TRPC4: variants seen among roughly 807,000 people sequenced by gnomAD.
The protein encoded by TRPC4 is short transient receptor potential channel 4.
A neutral mutation model predicts 99.4 loss-of-function variants in TRPC4; 49 were observed. The observed-to-expected ratio is 0.49, with a 90% CI of 0.39 to 0.63. The LOEUF (loss-of-function observed/expected upper bound fraction) is 0.63, where lower values mean the gene tolerates loss of function less well. TRPC4 is among the 20% of genes least tolerant of loss of function. The probability of loss-of-function intolerance (pLI) is 0.00; values close to 1 mark genes in which losing one functional copy is unlikely to be tolerated. For synonymous variants in TRPC4, 454 were observed against 425.9 expected (o/e 1.07, Z -0.81); for missense variants, 898 against 1,152.9 (o/e 0.78, Z 3.20).
chr13:37,802,527 G>C (rs75025293), intron 1 of TRPC4, among the ~76,000 whole-genome samples: 4,912 of 152,156 alleles, frequency 0.032, 271 homozygotes, highest in African/African-American at 0.11. Context: ...TGGATTTGGA[G>C]ACAGTCCCAC....
At chr13:37,717,296 A>G (rs1159925413) in intron 3 of TRPC4, among the ~76,000 whole-genome samples, 1 of 152,172 alleles carries the variant, frequency 6.6e-6, no homozygotes, top group Non-Finnish European at 1.5e-5. Flanking sequence ...CTATTTCTAC[A>G]TTAGAAACAT....
At chr13:37,645,449 T>C (rs867876373) in intron 8 of TRPC4, among the ~76,000 whole-genome samples, 5 of 152,202 alleles carry the variant, frequency 3.3e-5, no homozygotes, top group Admixed American at 6.5e-5. Flanking sequence ...TCATTTCATG[T>C]AGCTAGTCCC....
intron 2 of TRPC4, among the ~76,000 whole-genome samples, chr13:37,769,138 A>T (rs930117228): frequency 2.6e-5 from 4 of 151,428 alleles, no homozygotes; most frequent in Non-Finnish European, 5.9e-5. Flanking sequence ...ATAGTGAAAA[A>T]ACTATAATCC....
intron 7 of TRPC4, 53 bp from the exon 8 acceptor site, chr13:37,651,512 C>G: frequency 6.6e-7 from 1 of 1,525,332 alleles, no homozygotes; most frequent in South Asian, 1.1e-5. Flanking sequence ...AACAAGGTAC[C>G]ATAAATCTCA....
chr13:37,695,816 A>C (rs372845615), intron 3 of TRPC4, among the ~76,000 whole-genome samples: 4 of 152,166 alleles, frequency 2.6e-5, no homozygotes, highest in East Asian at 3.9e-4. Context: ...CATTTTTACA[A>C]ATAGAATAAG....
intron 1 of TRPC4, among the ~76,000 whole-genome samples, chr13:37,845,687 C>G (rs1958873725): frequency 6.6e-6 from 1 of 151,636 alleles, no homozygotes; most frequent in South Asian, 2.1e-4. Flanking sequence ...ATAAAGCAAA[C>G]TAACTTTTGC....
intron 3 of TRPC4, among the ~76,000 whole-genome samples, chr13:37,714,514 A>G (rs1044966022): frequency 2.6e-5 from 4 of 152,244 alleles, no homozygotes; most frequent in African/African-American, 9.6e-5. Context: ...CACACATTTA[A>G]TCATGACACA....
chr13:37,672,692 AG>A (rs1952894620), intron 5 of TRPC4, among the ~76,000 whole-genome samples: 1 of 152,246 alleles, frequency 6.6e-6, no homozygotes, highest in Non-Finnish European at 1.5e-5. Flanking sequence ...AGGGGACTGG[AG>A]AGCTAGGCGC....
chr13:37,727,109 T>C (rs921511202), intron 3 of TRPC4, among the ~76,000 whole-genome samples: 2 of 152,050 alleles, frequency 1.3e-5, no homozygotes, highest in African/African-American at 2.4e-5. Flanking sequence ...CAGAGCACTC[T>C]ACCCAACAAT....
intron 1 of TRPC4, among the ~76,000 whole-genome samples, chr13:37,802,688 C>T (rs532834364): frequency 7.9e-5 from 12 of 152,180 alleles, no homozygotes; most frequent in Admixed American, 6.6e-4. Context: ...AAGTCCAGCT[C>T]ATACTCAAGA....
At chr13:37,800,126 G>A (rs1324431933) in intron 1 of TRPC4, among the ~76,000 whole-genome samples, 1 of 152,180 alleles carries the variant, frequency 6.6e-6, no homozygotes, top group African/African-American at 2.4e-5. Flanking sequence ...TAAGTCAAGT[G>A]ATTTAGATGA....
chr13:37,696,014 CAT>C (rs1953891018), intron 3 of TRPC4, among the ~76,000 whole-genome samples: 1 of 152,184 alleles, frequency 6.6e-6, no homozygotes, highest in African/African-American at 2.4e-5. Flanking sequence ...CTGATAAAGA[CAT>C]ACCCGAAACT....
intron 8 of TRPC4, among the ~76,000 whole-genome samples, chr13:37,648,304 A>T (rs1951912200): frequency 6.6e-6 from 1 of 152,140 alleles, no homozygotes. Flanking sequence ...TTTTCATATA[A>T]ACAAAAAATG....
chr13:37,716,845 T>C lies in TRPC4; in HGVS notation c.898-24510A>G, dbSNP rs1012161217. Among the ~76,000 whole-genome samples the C allele has an allele frequency of 1.3e-4, 20 of 152,308 alleles. No homozygotes were observed. In the South Asian group the frequency reaches 4.1e-3, roughly 32 times the overall value. ...TTTTAAATTGTCCTTTGTGAGTTTA[T>C]TTTCCTCATAGCTGCTTCTCTTGTG... On this transcript the variant is annotated intron_variant, in intron 3 of 10. Coordinates refer to ENST00000379705, the MANE Select transcript of TRPC4 (RefSeq NM_016179.4).
At chr13:37,698,167 C>CTTTCTTTTTTTTTTTTTTTTTTTT (rs1953981451) in intron 3 of TRPC4, among the ~76,000 whole-genome samples, 1 of 42,556 alleles carries the variant, frequency 2.3e-5, no homozygotes, top group Non-Finnish European at 3.7e-5. Flanking sequence ...AAGGACTAAC[C>CTTTCTTTTTTTTTTTTTTTTTTTT]TTTTTTTTTT....
intron 1 of TRPC4, among the ~76,000 whole-genome samples, chr13:37,806,330 C>G (rs1322356055): frequency 6.6e-6 from 1 of 151,976 alleles, no homozygotes; most frequent in Non-Finnish European, 1.5e-5. Flanking sequence ...TTATTTTACA[C>G]AGTGTGAGTT....
At chr13:37,804,397 C>T (rs1957478685) in intron 1 of TRPC4, among the ~76,000 whole-genome samples, 1 of 152,066 alleles carries the variant, frequency 6.6e-6, no homozygotes, top group African/African-American at 2.4e-5. Context: ...CCAGACTCCA[C>T]ATGCTTCCTT....
intron 3 of TRPC4, among the ~76,000 whole-genome samples, chr13:37,728,826 A>C (rs73168458): frequency 6.6e-6 from 1 of 152,112 alleles, no homozygotes; most frequent in Non-Finnish European, 1.5e-5. Flanking sequence ...GGCAAAAAAA[A>C]CCAGACATAA....
At chr13:37,764,149 C>T (rs1157147105) in intron 2 of TRPC4, among the ~76,000 whole-genome samples, 5 of 151,612 alleles carry the variant, frequency 3.3e-5, no homozygotes, top group African/African-American at 7.2e-5. Context: ...AGTGGTGTGA[C>T]GGATGCCTGC....
Sources: allele counts gnomAD v4.1 joint callset (sites outside exome capture counted in the v4.1 genomes callset), GRCh38; gene constraint gnomAD v4.1.1; transcripts MANE v1.5; gene names NCBI Gene and HGNC (gene_info 2026-07-23, HGNC 2026-07-21).